AGXT2: variants seen among roughly 807,000 people sequenced by gnomAD.
The protein encoded by AGXT2 is alanine--glyoxylate aminotransferase 2.
In AGXT2, 61 loss-of-function variants were observed where a neutral mutation model predicts 62.5. The observed-to-expected ratio is 0.98, with a 90% CI of 0.79 to 1.21. The LOEUF (loss-of-function observed/expected upper bound fraction) is 1.21, where lower values mean the gene tolerates loss of function less well. AGXT2 is among the 50% of genes most tolerant of loss of function. The pLI, the probability that AGXT2 is intolerant of heterozygous loss-of-function variation, is 0.00. For missense variants in AGXT2, 666 were observed against 641.5 expected (o/e 1.04, Z -0.41); for synonymous variants, 243 against 218.7 (o/e 1.11, Z -0.98).
At chr5:35,025,891 A>T in intron 8 of AGXT2, 36 bp from the exon 9 acceptor site, 7 of 1,563,334 alleles carry the variant, frequency 4.5e-6, no homozygotes, top group Non-Finnish European at 6.2e-6. Context: ...CTATAATAAT[A>T]GCATCAGCCC....
At chr5:35,021,638 A>C (rs1399568581) in intron 9 of AGXT2, among the ~76,000 whole-genome samples, 1 of 152,110 alleles carries the variant, frequency 6.6e-6, no homozygotes, top group South Asian at 2.1e-4. Flanking sequence ...AAACCTAGGC[A>C]TTACCATTCA....
At chr5:35,007,510 A>G (rs1041919469) in intron 12 of AGXT2, among the ~76,000 whole-genome samples, 1 of 152,178 alleles carries the variant, frequency 6.6e-6, no homozygotes, top group African/African-American at 2.4e-5. Context: ...TAGGATTTCC[A>G]TAGGTAGATA....
At chr5:35,036,506 C>T (rs1307399382) in intron 4 of AGXT2, among the ~76,000 whole-genome samples, 1 of 152,158 alleles carries the variant, frequency 6.6e-6, no homozygotes, top group Non-Finnish European at 1.5e-5. Flanking sequence ...CCAAATGGCA[C>T]TTATTAAAAA....
chr5:35,026,360 C>T, intron 8 of AGXT2, 50 bp downstream of exon 8: 1 of 1,459,674 alleles, frequency 6.9e-7, no homozygotes, highest in Non-Finnish European at 9.6e-7. Flanking sequence ...TTAAAACTTT[C>T]TGATAATTGA....
At chr5:35,030,737 A>G (rs1301047852) in intron 7 of AGXT2, among the ~76,000 whole-genome samples, 2 of 152,204 alleles carry the variant, frequency 1.3e-5, no homozygotes, top group Non-Finnish European at 2.9e-5. Context: ...TAGCAGGAAA[A>G]GAAGGAAATG....
chr5:35,038,952 T>A (rs1205154422), intron 3 of AGXT2, among the ~76,000 whole-genome samples: 1 of 152,146 alleles, frequency 6.6e-6, no homozygotes, highest in Non-Finnish European at 1.5e-5. Flanking sequence ...TTCTCATCTC[T>A]CATCATCCCT....
At chr5:35,030,229 C>T (rs116300175) in intron 7 of AGXT2, among the ~76,000 whole-genome samples, 2,769 of 152,256 alleles carry the variant, frequency 0.018, 79 homozygotes, top group African/African-American at 0.064. Flanking sequence ...AACAGCTGGC[C>T]GGGCATGGTG....
intron 6 of AGXT2, chr5:35,033,127 A>T: frequency 2.1e-6 from 1 of 487,380 alleles, no homozygotes; most frequent in Non-Finnish European, 3.7e-6. Flanking sequence ...TCAGATGCTG[A>T]AAATGTGGGT....
At chr5:35,008,979 T>C (rs1561213334) in intron 12 of AGXT2, among the ~76,000 whole-genome samples, 1 of 152,124 alleles carries the variant, frequency 6.6e-6, no homozygotes, top group Admixed American at 6.6e-5. Context: ...AGGGAAAGAT[T>C]TGAGAGACAT....
At chr5:35,015,441 C>G (rs1443792795) in intron 9 of AGXT2, among the ~76,000 whole-genome samples, 2 of 152,186 alleles carry the variant, frequency 1.3e-5, no homozygotes, top group African/African-American at 4.8e-5. Flanking sequence ...CTTTCTGGCT[C>G]TCAGTCTCCC....
intron 5 of AGXT2, 70 bp from the exon 6 acceptor site, chr5:35,033,623 C>T: frequency 4.1e-6 from 5 of 1,209,422 alleles, no homozygotes; most frequent in East Asian, 2.3e-5. Flanking sequence ...AAGAGAAAAC[C>T]CAGGAAGGCT....
intron 9 of AGXT2, among the ~76,000 whole-genome samples, chr5:35,022,674 G>A (rs1404094552): frequency 6.7e-6 from 1 of 149,544 alleles, no homozygotes; most frequent in Non-Finnish European, 1.5e-5. Context: ...GTATACATAT[G>A]CAACTAACCT....
At chr5:35,000,633 G>T (rs551947077) in intron 13 of AGXT2, among the ~76,000 whole-genome samples, 1 of 152,122 alleles carries the variant, frequency 6.6e-6, no homozygotes, top group Non-Finnish European at 1.5e-5. Context: ...CTGCCGCTTC[G>T]GCCTCCCAAA....
intron 9 of AGXT2, among the ~76,000 whole-genome samples, chr5:35,015,675 C>T (rs908084882): frequency 5.9e-5 from 9 of 151,718 alleles, no homozygotes; most frequent in African/African-American, 1.9e-4. Context: ...CATGATGAAA[C>T]CTCATCTCTA....
At chr5:35,016,710 C>T (rs934484316) in intron 9 of AGXT2, among the ~76,000 whole-genome samples, 6 of 152,176 alleles carry the variant, frequency 3.9e-5, no homozygotes, top group African/African-American at 1.2e-4. Context: ...GCTTGACTTA[C>T]TGACTGTTTT....
chr5:35,014,158 G>C lies in AGXT2; in HGVS notation c.964-39C>G, dbSNP rs760816731. The C allele has an allele frequency of 1.9e-6, 3 of 1,613,580 alleles. No individual in the cohort carries two copies. In the South Asian group the frequency reaches 3.3e-5, roughly 18 times the overall value. ...TTCAAAACCATTGGAAACCCTTCAA[G>C]AAATGCTGTTTTCGACAGGGCGCGG... On this transcript the variant is annotated intron_variant, in intron 9 of 13. Coordinates refer to ENST00000231420, the MANE Select transcript of AGXT2 (RefSeq NM_031900.4).
rs1384511199 is a variant in AGXT2 at position 35,038,371 on chromosome 5, G to A, written c.362+953C>T. ...GTTACTGGGAAGATTCAGTGAGAAT[G>A]TTTGAACTCATTTTCTATTCCATTT... On this transcript the variant is annotated intron_variant, in intron 3 of 13. Coordinates refer to ENST00000231420, the MANE Select transcript of AGXT2 (RefSeq NM_031900.4). Among the ~76,000 whole-genome samples, 3 of 152,244 alleles carry A rather than the reference G, an allele frequency of 2.0e-5. No individual in the cohort carries two copies. The South Asian group carries it at 6.2e-4, about 31-fold the overall frequency.
intron 11 of AGXT2, chr5:35,012,580 A>G (rs1027501409): frequency 1.3e-5 from 4 of 311,674 alleles, no homozygotes; most frequent in African/African-American, 8.6e-5. Context: ...AATTTATAAT[A>G]GTACAACAAA....
At chr5:35,021,877 G>GA (rs1268023780) in intron 9 of AGXT2, among the ~76,000 whole-genome samples, 1 of 151,918 alleles carries the variant, frequency 6.6e-6, no homozygotes, top group Non-Finnish European at 1.5e-5. Context: ...AAATTTACAA[G>GA]AAAAAAACAA....
Sources: allele counts gnomAD v4.1 joint callset (sites outside exome capture counted in the v4.1 genomes callset), GRCh38; gene constraint gnomAD v4.1.1; transcripts MANE v1.5; gene names NCBI Gene and HGNC (gene_info 2026-07-23, HGNC 2026-07-21).